NOMO2: variants seen among roughly 807,000 people sequenced by gnomAD.
The protein encoded by NOMO2 is BOS complex subunit NOMO2.
Under a neutral mutation model 67.1 loss-of-function variants are expected in NOMO2, and 14 were observed. The observed-to-expected ratio is 0.21, with a 90% confidence interval of 0.14 to 0.33. The LOEUF (loss-of-function observed/expected upper bound fraction) is 0.33. Among genes scored for constraint, NOMO2 ranks in the 10% least tolerant of loss-of-function variants. The pLI, the probability that NOMO2 is intolerant of heterozygous loss-of-function variation, is 1.00. For missense variants in NOMO2, 178 were observed against 761.0 expected, an observed-to-expected ratio of 0.23 and a Z score of 9.01; for synonymous variants, 80 against 305.9, an observed-to-expected ratio of 0.26 and a Z score of 7.71.
chr16:18,545,448 C>T (rs1008901544), intron 6 of NOMO2, among the ~76,000 whole-genome samples: 4 of 151,722 alleles, frequency 2.6e-5, no homozygotes, highest in African/African-American at 9.7e-5. Flanking sequence ...CCCCCAAAAC[C>T]AAAAGTCATA....
chr16:18,538,991 T>G, intron 9 of NOMO2, 27 bp from the exon 10 acceptor site: 1 of 1,600,466 alleles, frequency 6.2e-7, no homozygotes, highest in East Asian at 2.2e-5. Context: ...AAGAAGAAGG[T>G]GCTCGAAGGT....
intron 4 of NOMO2, among the ~76,000 whole-genome samples, chr16:18,550,453 C>G (rs1901757529): frequency 1.3e-5 from 2 of 151,396 alleles, no homozygotes; most frequent in Non-Finnish European, 2.9e-5. Context: ...TACCCAAGAT[C>G]CCCATCTCTA....
At position 18,531,557 on chromosome 16, in the gene NOMO2, C is replaced by T. The variant is rs370620549; in HGVS notation, c.1446G>A (p.Gln482=). Residue 482 remains glutamine (Q), a synonymous_variant, in exon 13 of 31, where the codon CAG becomes CAA. Coordinates refer to ENST00000622306, the MANE Select transcript of NOMO2 (RefSeq NM_173614.4). ...TGTCGGTCACAGTAAGAGGAAATGT[C>T]TGGGGTTTCAACGTCAGCCCTGCTC... ...ETRAGLTLKP[Q]TFPLTVTDRP... 3.1e-6 allele frequency: 5 copies of T among 1,609,220 alleles called. No homozygotes were observed. Among genetic ancestry groups the T allele is most frequent in the Non-Finnish European group, 4.2e-6 (5 of 1,178,620 alleles).
intron 3 of NOMO2, among the ~76,000 whole-genome samples, chr16:18,551,941 C>T (rs1265091898): frequency 2.0e-5 from 3 of 151,534 alleles, no homozygotes; most frequent in Non-Finnish European, 4.4e-5. Flanking sequence ...AAGAGACAGG[C>T]AGTAATAGCT....
rs1901478502 is a variant in NOMO2, at chr16:18,538,696, A to C, written c.1070-20T>G. On this transcript the variant is annotated intron_variant, in intron 10 of 30. Coordinates refer to ENST00000622306, the MANE Select transcript of NOMO2 (RefSeq NM_173614.4). ...TTTTAACTGTAAAACAAAAACACAC[A>C]AACAGAAGATAAGCCAAAAATAACA... The C allele has an allele frequency of 2.5e-6, 4 of 1,613,686 alleles. No homozygotes were observed. The highest frequency in any genetic ancestry group is 3.4e-6 in the Non-Finnish European group (4 of 1,179,772).
intron 20 of NOMO2, among the ~76,000 whole-genome samples, chr16:18,520,395 C>T (rs936929077): frequency 3.4e-5 from 5 of 147,128 alleles, no homozygotes; most frequent in Non-Finnish European, 7.6e-5. Context: ...TCCATCCATC[C>T]ATCCATCCAT....
chr16:18,560,543 T>C (rs1197374801), intron 1 of NOMO2, among the ~76,000 whole-genome samples: 6 of 151,678 alleles, frequency 4.0e-5, no homozygotes, highest in Admixed American at 3.3e-4. Flanking sequence ...CAGAAACATG[T>C]ACCCAGGAAA....
rs528103997 is a variant in NOMO2 at position 18,533,163 on chromosome 16, G to A, written c.1237C>T (p.Arg413Trp). 8.1e-6 allele frequency: 13 copies of A among 1,611,362 alleles called. No individual in the cohort carries two copies. The highest frequency in any genetic ancestry group is 5.5e-5 in the South Asian group (5 of 90,892). ...TCCGGGAAGCGAATGATTGATATCC[G>A]ACCACAGACACTGAACCTGCAAAGA... is the stretch of plus-strand genomic sequence containing the variant. ...IVATGFSVCG[R>W]ISIIRFPDTV... Residue 413 changes from arginine to tryptophan, a missense_variant, in exon 12 of 31, where the codon CGG becomes TGG. Coordinates refer to ENST00000622306, the MANE Select transcript of NOMO2 (RefSeq NM_173614.4).
rs1454017122 is a variant in NOMO2 at position 18,562,072 on chromosome 16, G to C, written c.-32C>G. 2.8e-6 allele frequency: 4 copies of C among 1,412,580 alleles called. No homozygotes were observed. The highest frequency in any genetic ancestry group is 1.6e-5 in the South Asian group (1 of 63,978). 87.5% of individuals were successfully genotyped at this position (1,412,580 alleles called of 1,614,324 possible). A position where few individuals can be genotyped will look rare whatever the true frequency, so the allele number is the denominator to read the frequency against. ...ACCTCCCCCAGCTAGACCCACCGCC[G>C]GCAGCCGGGTCCCGCCCCTCACACT... On this transcript the variant is annotated 5_prime_UTR_variant, in exon 1 of 31. Coordinates refer to ENST00000622306, the MANE Select transcript of NOMO2 (RefSeq NM_173614.4).
rs770183601 is a variant in NOMO2, at chr16:18,538,601, T to C, written c.1145A>G (p.Glu382Gly). The change falls in exon 11 of 31, where the codon GAG (glutamate) becomes GGG (glycine). Residue 382 changes from glutamate to glycine, a missense_variant. Coordinates refer to ENST00000622306, the MANE Select transcript of NOMO2 (RefSeq NM_173614.4). ...TGTYTIHAQKEHLYFETVTIK... is the reference protein window; with the variant it reads ...TGTYTIHAQKGHLYFETVTIK... ...GGTGACCGTTTCAAAGTAGAGGTGC[T>C]CTTTCTGAGCATGGATGGTGTATGT... The C allele has an allele frequency of 1.9e-6, 3 of 1,613,024 alleles. No homozygotes were observed. The highest frequency in any genetic ancestry group is 2.5e-6 in the Non-Finnish European group (3 of 1,179,458).
chr16:18,528,893 G>A (rs1207321602), intron 15 of NOMO2, among the ~76,000 whole-genome samples: 3 of 146,172 alleles, frequency 2.1e-5, no homozygotes, highest in East Asian at 2.0e-4. Flanking sequence ...GCTTGAACTC[G>A]GGAGGCGGAG....
rs1901940507 is a variant in NOMO2 at position 18,557,699 on chromosome 16, T to TA, written c.255+2dup. The TA allele has an allele frequency of 6.2e-7, 1 of 1,610,704 alleles. No individual in the cohort carries two copies. Among genetic ancestry groups the TA allele is most frequent in the Admixed American group, 1.7e-5 (1 of 59,948 alleles). On this transcript the variant is annotated splice_region_variant and intron_variant, in intron 2 of 30. Transcript: ENST00000622306. ...TCATAAGTGACAAGCAGTCCCCTCT[T>TA]ACCTTATCATACAAAGGGATCATAA... is the stretch of plus-strand genomic sequence containing the variant.
At chr16:18,560,905 A>G (rs1245596205) in intron 1 of NOMO2, among the ~76,000 whole-genome samples, 3 of 150,444 alleles carry the variant, frequency 2.0e-5, no homozygotes, top group Admixed American at 2.0e-4. Flanking sequence ...TTATTCCCCA[A>G]TCCCTCTCTT....
At chr16:18,537,156 A>G (rs1901443678) in intron 11 of NOMO2, among the ~76,000 whole-genome samples, 1 of 152,050 alleles carries the variant, frequency 6.6e-6, no homozygotes, top group South Asian at 2.1e-4. Context: ...CATCCATCCA[A>G]GTACCTATTG....
At chr16:18,526,812 T>G (rs550700144) in intron 16 of NOMO2, among the ~76,000 whole-genome samples, 27 of 152,142 alleles carry the variant, frequency 1.8e-4, no homozygotes, top group African/African-American at 6.3e-4. Context: ...AAAACTGGAT[T>G]CTGGCCGTGG....
chr16:18,528,985 AAAAATACATAT>A (rs1901221445), intron 15 of NOMO2, among the ~76,000 whole-genome samples: 1 of 92,222 alleles, frequency 1.1e-5, no homozygotes, highest in African/African-American at 4.0e-5. Flanking sequence ...AAAAAAAAAA[AAAAATACATAT>A]ATATATATAT....
chr16:18,529,969 A>G (rs1596846070), intron 14 of NOMO2, among the ~76,000 whole-genome samples: 1 of 140,472 alleles, frequency 7.1e-6, no homozygotes. Flanking sequence ...TACAAAAGTG[A>G]TCCAGGCATG....
chr16:18,552,980 A>T (rs1266950954), intron 3 of NOMO2, among the ~76,000 whole-genome samples: 1 of 152,020 alleles, frequency 6.6e-6, no homozygotes, highest in Non-Finnish European at 1.5e-5. Flanking sequence ...ATGAATATAA[A>T]ATATAAATAT....
At chr16:18,531,674 G>T in intron 12 of NOMO2, 67 bp from the exon 13 acceptor site, 1 of 1,601,088 alleles carries the variant, frequency 6.2e-7, no homozygotes. Flanking sequence ...CCTACAGGGC[G>T]CTAGAACATT....
Sources: gnomAD v4.1 joint callset for allele counts (sites outside exome capture counted in the v4.1 genomes callset) on GRCh38, gnomAD v4.1.1 for gene constraint, MANE v1.5 for transcripts, NCBI Gene and HGNC (gene_info 2026-07-23, HGNC 2026-07-21) for gene names.